MAP3K15: variants seen among roughly 807,000 people sequenced by gnomAD.
MAP3K15 encodes mitogen-activated protein kinase kinase kinase 15.
Under a neutral mutation model 99.5 loss-of-function variants are expected in MAP3K15, and 124 were observed. That is an observed-to-expected ratio of 1.25 (90% confidence interval 1.08 to 1.45). The LOEUF (loss-of-function observed/expected upper bound fraction) is 1.45, where lower values mean the gene tolerates loss of function less well. Among genes scored for constraint, MAP3K15 ranks in the 40% most tolerant of loss-of-function variants. MAP3K15 has a pLI of 0.00. For synonymous variants in MAP3K15, 494 were observed against 439.6 expected, an observed-to-expected ratio of 1.12 and a Z score of -1.55; for missense variants, 1,242 against 1,079.7, an observed-to-expected ratio of 1.15 and a Z score of -2.11.
intron 3 of MAP3K15, among the ~76,000 whole-genome samples, chrX:19,485,875 T>G (rs2064321797): frequency 9.0e-6 from 1 of 111,321 alleles, no homozygotes; most frequent in Admixed American, 9.6e-5. Flanking sequence ...TTGGCAACAT[T>G]TCCAAGGCCA....
intron 4 of MAP3K15, among the ~76,000 whole-genome samples, chrX:19,462,056 G>C (rs781252580): frequency 9.2e-6 from 1 of 108,580 alleles, no homozygotes; most frequent in African/African-American, 3.4e-5. Context: ...AGCTGAAATG[G>C]ACTAACTGCA....
chrX:19,408,181 T>C, intron 12 of MAP3K15, among the ~76,000 whole-genome samples: 1 of 111,384 alleles, frequency 9.0e-6, no homozygotes, highest in East Asian at 2.8e-4. Flanking sequence ...GCTCAAAGTA[T>C]ACTCTTCAGG....
In MAP3K15 at chrX:19,360,236, ACATTCGTAT is replaced by A. The variant is rs1212533163; in HGVS notation, c.*504_*512del. ...TCATATCAAACATTAACTACAAGGC[ACATTCGTAT>A]CAGTTTTGTGTTTCTCAAATTGAAG... is the stretch of plus-strand genomic sequence containing the variant. On this transcript the variant is annotated 3_prime_UTR_variant, in exon 29 of 29. Coordinates refer to ENST00000338883, the MANE Select transcript of MAP3K15 (RefSeq NM_001001671.4). The A allele has an allele frequency of 7.5e-6, 1 of 133,262 alleles. No homozygotes were observed. The highest frequency in any genetic ancestry group is 1.5e-5 in the Non-Finnish European group (1 of 66,886). 11.0% of individuals were successfully genotyped at this position (133,262 alleles called of 1,213,427 possible).
chrX:19,425,117 T>C (rs2063819663), intron 9 of MAP3K15, among the ~76,000 whole-genome samples: 1 of 111,848 alleles, frequency 8.9e-6, no homozygotes, highest in East Asian at 2.8e-4. Flanking sequence ...GTAAGGCTGT[T>C]GCTGTGCCAC....
intron 6 of MAP3K15, among the ~76,000 whole-genome samples, chrX:19,432,557 C>CAA (rs58029753): frequency 3.3e-4 from 15 of 45,321 alleles, no homozygotes; most frequent in South Asian, 3.0e-3. Context: ...TCTGTCTCAA[C>CAA]AAAAAAAAAA....
intron 3 of MAP3K15, among the ~76,000 whole-genome samples, chrX:19,475,290 G>A (rs778789215): frequency 3.6e-5 from 4 of 110,992 alleles, no homozygotes; most frequent in Non-Finnish European, 7.6e-5. Context: ...ATCTAATGCC[G>A]CTGCTGATCT....
In MAP3K15 at chrX:19,371,446, G is replaced by A. The variant is rs780432569; in HGVS notation, c.3193C>T (p.Arg1065Trp). ...TTTGATATTGTGGTCGCCATCACCC[G>A]GTGCTCTGGGGAGCGGATGAAGTCC... ...LRDFIRSPEH[R>W]VMATTISKLK... Residue 1065 changes from arginine to tryptophan, a missense_variant, in exon 23 of 29, where the codon CGG (arginine) becomes TGG (tryptophan). Arg to Trp is a moderately radical substitution (Grantham distance 101). Transcript: ENST00000338883. The A allele has an allele frequency of 1.5e-5, 18 of 1,208,832 alleles. No homozygotes were observed. Among genetic ancestry groups the A allele is most frequent in the African/African-American group, 3.5e-5 (2 of 57,129 alleles).
chrX:19,363,476 C>T (rs1428865448), intron 25 of MAP3K15, among the ~76,000 whole-genome samples: 1 of 111,714 alleles, frequency 9.0e-6, no homozygotes. Context: ...AAAAACGTAT[C>T]GTGAACCAAA....
rs148579888 is a variant in MAP3K15 at position 19,448,532 on chromosome X, A to G, written c.995+8381T>C. Among the ~76,000 whole-genome samples the G allele has an allele frequency of 6.5e-5, 7 of 108,483 alleles. No individual in the cohort carries two copies. In the East Asian group the frequency reaches 2.0e-3, roughly 31 times the overall value. The allele number at this position is 108,483 out of a possible 115,157, so 94.2% of individuals were successfully genotyped here. A position where few individuals can be genotyped will look rare whatever the true frequency, so the allele number is the denominator to read the frequency against. On this transcript the variant is annotated intron_variant, in intron 6 of 28. Transcript: ENST00000338883. Reference sequence around the variant, plus strand: ...TGACTTTACTGTTATGGGGGAAAAAATACCTTAAACCACTGGAGGAAGGTC... The same window carrying G: ...TGACTTTACTGTTATGGGGGAAAAAGTACCTTAAACCACTGGAGGAAGGTC...
chrX:19,394,810 TTTTTTTTTTTTTTTTTTTTTTTTTTA>T (rs2063555134), intron 16 of MAP3K15, among the ~76,000 whole-genome samples: 1 of 60,569 alleles, frequency 1.7e-5, no homozygotes, highest in African/African-American at 9.2e-5. Flanking sequence ...TTTTTTTTTT[TTTTTTTTTTTTTTTTTTTTTTTTTTA>T]AAAAGAGTGA....
chrX:19,431,703 T>G, intron 6 of MAP3K15, 95 bp from the exon 7 acceptor site: 1 of 756,142 alleles, frequency 1.3e-6, no homozygotes, highest in Admixed American at 3.3e-5. Context: ...CCCAGCACTT[T>G]GGGAGGCCGA....
At chrX:19,375,637 C>G (rs774592024) in intron 19 of MAP3K15, among the ~76,000 whole-genome samples, 1 of 112,332 alleles carries the variant, frequency 8.9e-6, no homozygotes, top group Non-Finnish European at 1.9e-5. Context: ...ACAATCCAGG[C>G]GTGGAAGCTG....
chrX:19,457,476 G>C (rs1018376095), intron 5 of MAP3K15, among the ~76,000 whole-genome samples: 2 of 111,268 alleles, frequency 1.8e-5, no homozygotes, highest in Non-Finnish European at 3.8e-5. Flanking sequence ...GCTGGGCATG[G>C]TGGCGGGCGC....
intron 9 of MAP3K15, among the ~76,000 whole-genome samples, chrX:19,422,730 T>C (rs2063797336): frequency 8.9e-6 from 1 of 111,923 alleles, no homozygotes; most frequent in South Asian, 3.7e-4. Flanking sequence ...CATGCACAGG[T>C]ATGTTTATAG....
chrX:19,380,286 AAAACAAAC>A lies in MAP3K15; in HGVS notation c.2432-17_2432-10del. 1 of 1,207,160 alleles carries A rather than the reference AAAACAAAC, an allele frequency of 8.3e-7. No individual in the cohort carries two copies. The highest frequency in any genetic ancestry group is 1.1e-6 in the Non-Finnish European group (1 of 893,730). On this transcript the variant is annotated splice_polypyrimidine_tract_variant and intron_variant, in intron 18 of 28. Coordinates refer to ENST00000338883, the MANE Select transcript of MAP3K15 (RefSeq NM_001001671.4). Reference sequence around the variant, plus strand: ...CATGTACTGCAGGGTGCCTATTTGGAAAACAAACAAACAGGCTGTGGGTACCATATTGC... The same window carrying A: ...CATGTACTGCAGGGTGCCTATTTGGAAAACAGGCTGTGGGTACCATATTGC...
intron 13 of MAP3K15, among the ~76,000 whole-genome samples, chrX:19,401,518 C>T (rs1369020572): frequency 9.0e-6 from 1 of 111,428 alleles, no homozygotes; most frequent in Non-Finnish European, 1.9e-5. Flanking sequence ...AAGTCTGGCC[C>T]CAAGACCAGT....
At chrX:19,471,460 C>T (rs1452823871) in intron 3 of MAP3K15, among the ~76,000 whole-genome samples, 3 of 111,192 alleles carry the variant, frequency 2.7e-5, no homozygotes, top group Non-Finnish European at 3.8e-5. Flanking sequence ...CAGGGTTTCT[C>T]CATGTTGGTC....
chrX:19,437,689 C>T (rs2147322785), intron 6 of MAP3K15, among the ~76,000 whole-genome samples: 1 of 111,781 alleles, frequency 8.9e-6, no homozygotes, highest in South Asian at 3.8e-4. Flanking sequence ...TATTCTATCT[C>T]CCCATTTTAG....
intron 6 of MAP3K15, among the ~76,000 whole-genome samples, chrX:19,454,953 G>T (rs1299111501): frequency 8.9e-6 from 1 of 111,951 alleles, no homozygotes; most frequent in Admixed American, 9.5e-5. Context: ...TTTCAATTCA[G>T]ATTTTCAGAT....
Sources: allele counts gnomAD v4.1 joint callset (sites outside exome capture counted in the v4.1 genomes callset), GRCh38; gene constraint gnomAD v4.1.1; transcripts MANE v1.5; gene names NCBI Gene and HGNC (gene_info 2026-07-23, HGNC 2026-07-21).